LETMD1: variants seen among roughly 807,000 people sequenced by gnomAD.
The protein encoded by LETMD1 is LETM1 domain-containing protein 1.
Under a neutral mutation model 43.9 loss-of-function variants are expected in LETMD1, and 30 were observed. The observed-to-expected ratio is 0.68, with a 90% CI of 0.51 to 0.93. The LOEUF is 0.93. Ranked by LOEUF, LETMD1 falls within the 40% of genes least tolerant of loss-of-function variation. LETMD1 has a pLI of 0.00. For missense variants in LETMD1, 413 were observed against 447.7 expected (o/e 0.92, Z 0.70); for synonymous variants, 176 against 163.1 (o/e 1.08, Z -0.60).
Position 51,049,039 on chromosome 12 carries a change from C to G in LETMD1, c.128C>G (p.Ser43Ter). The change falls in exon 2 of 9, where the codon TCA (serine) becomes TGA (stop). Residue 43 changes from serine (S) to a stop codon, truncating the protein, a stop_gained. Transcript: ENST00000262055. LOFTEE classifies it high-confidence loss of function. ...SGLAWGAPRS[S>*]KLHLSPKADV... ...CTCTTTGATCTTCCTTGTAGGTCTT[C>G]AAAGCTTCACCTTTCTCCAAAGGCA... 2 of 1,613,792 alleles carry G rather than the reference C, an allele frequency of 1.2e-6. No homozygotes were observed. The highest frequency in any genetic ancestry group is 1.7e-6 in the Non-Finnish European group (2 of 1,179,882).
intron 3 of LETMD1, 78 bp downstream of exon 3, chr12:51,052,285 C>A: frequency 6.5e-7 from 1 of 1,544,790 alleles, no homozygotes; most frequent in Non-Finnish European, 8.8e-7. Flanking sequence ...TTTTTTCTTT[C>A]ATTTGTTGTT....
At chr12:51,050,277 C>T (rs942837280) in intron 2 of LETMD1, among the ~76,000 whole-genome samples, 3 of 149,520 alleles carry the variant, frequency 2.0e-5, no homozygotes, top group African/African-American at 7.4e-5. Context: ...GGCTGGAGTG[C>T]AATGGCATGA....
downstream of LETMD1, chr12:51,064,256 G>T: frequency 6.2e-7 from 1 of 1,613,218 alleles, no homozygotes; most frequent in East Asian, 2.2e-5. Flanking sequence ...GGGCTGTAAG[G>T]CCTGGGCACA....
intron 1 of LETMD1, 30 bp from the exon 2 acceptor site, chr12:51,049,004 C>T (rs1335612655): frequency 4.4e-6 from 7 of 1,603,986 alleles, no homozygotes; most frequent in Non-Finnish European, 6.0e-6. Flanking sequence ...AGGACTGATT[C>T]CCAGATAGTC....
intron 2 of LETMD1, among the ~76,000 whole-genome samples, chr12:51,050,687 T>A (rs1048666192): frequency 6.6e-6 from 1 of 152,054 alleles, no homozygotes; most frequent in South Asian, 2.1e-4. Flanking sequence ...TAATGACATG[T>A]AAATCATTGA....
In LETMD1 at chr12:51,059,469, A is replaced by T. The variant is rs373649803; in HGVS notation, c.*38A>T. On this transcript the variant is annotated 3_prime_UTR_variant, in exon 9 of 9. Transcript: ENST00000262055. ...GCGGATGGCATTGTCCTGCAGTCGT[A>T]TAGTATAGCAGTGCAGGAACAAACA... is the stretch of plus-strand genomic sequence containing the variant. The T allele has an allele frequency of 7.6e-6, 12 of 1,575,192 alleles. No homozygotes were observed. Among genetic ancestry groups the T allele is most frequent in the Non-Finnish European group, 1.0e-5 (12 of 1,144,592 alleles).
intron 1 of LETMD1, 29 bp downstream of exon 1, chr12:51,048,507 T>G: frequency 1.2e-6 from 2 of 1,609,822 alleles, no homozygotes; most frequent in Non-Finnish European, 1.7e-6. Flanking sequence ...GAAAAGCATT[T>G]TTGACGTCCA....
the LETMD1 span, among the ~76,000 whole-genome samples, chr12:51,066,425 A>G: frequency 6.7e-6 from 1 of 149,178 alleles, no homozygotes; most frequent in Non-Finnish European, 1.5e-5. Flanking sequence ...ACGGCACTCC[A>G]GCCTGGCAAC....
At chr12:51,053,204 A>C (rs1946672617) in intron 3 of LETMD1, among the ~76,000 whole-genome samples, 1 of 152,172 alleles carries the variant, frequency 6.6e-6, no homozygotes, top group Non-Finnish European at 1.5e-5. Context: ...GAGAGTAAGA[A>C]TCTAGGACCC....
In LETMD1 at chr12:51,050,292, G is replaced by A. The variant is rs187156391; in HGVS notation, c.274+1107G>A. ...GGCTGGAGTGCAATGGCATGATCTCGGTTCACTGCAACCTCTGCTTCCCGG... is the reference window on the plus strand; with the variant it reads ...GGCTGGAGTGCAATGGCATGATCTCAGTTCACTGCAACCTCTGCTTCCCGG... On this transcript the variant is annotated intron_variant, in intron 2 of 8. Coordinates refer to ENST00000262055, the MANE Select transcript of LETMD1 (RefSeq NM_015416.5). Among the ~76,000 whole-genome samples the A allele has an allele frequency of 8.7e-5, 13 of 150,148 alleles. No homozygotes were observed. In the East Asian group the frequency reaches 9.8e-4, roughly 11 times the overall value.
the LETMD1 span, among the ~76,000 whole-genome samples, chr12:51,065,977 G>A: frequency 2.0e-4 from 31 of 152,304 alleles, no homozygotes; most frequent in South Asian, 1.2e-3. Context: ...TCTTAGGGAT[G>A]GTATTGCTGT....
downstream of LETMD1, chr12:51,063,573 T>A: frequency 1.8e-6 from 1 of 550,894 alleles, no homozygotes; most frequent in South Asian, 3.3e-5. Flanking sequence ...GTCTCCTTGG[T>A]ACTGTTTCCC....
chr12:51,067,928 G>A, the LETMD1 span: 5 of 1,614,022 alleles, frequency 3.1e-6, no homozygotes, highest in Non-Finnish European at 4.2e-6. The surrounding 1 kb of genome is among the most constrained non-coding windows in gnomAD (Gnocchi z 4.1). Flanking sequence ...CCAGCGTCAG[G>A]CCATCAGCCT....
rs1032184951 is a variant in LETMD1, at chr12:51,055,912, A to T, written c.551A>T (p.His184Leu). ...CAAACTGATTTCTTAGATATCTATC[A>T]TGCTTTCCGGAAGCAGTCCCACCCA... ...KQQTDFLDIY[H>L]AFRKQSHPEI... Residue 184 changes from histidine to leucine, a missense_variant, in exon 5 of 9, where the codon CAT becomes CTT. Physicochemically the swap from His to Leu is moderately conservative, Grantham distance 99 (BLOSUM62 -3). Coordinates refer to ENST00000262055, the MANE Select transcript of LETMD1 (RefSeq NM_015416.5). The T allele has an allele frequency of 6.2e-7, 1 of 1,613,862 alleles. No homozygotes were observed. The highest frequency in any genetic ancestry group is 2.2e-5 in the East Asian group (1 of 44,894).
chr12:51,064,285 G>C (rs2136831484), downstream of LETMD1: 16 of 1,613,130 alleles, frequency 9.9e-6, no homozygotes, highest in Non-Finnish European at 1.4e-5. Context: ...GGGACAGCCA[G>C]AGGCTCCTCT....
chr12:51,054,968 C>T (rs555289684), intron 4 of LETMD1, among the ~76,000 whole-genome samples: 113 of 152,092 alleles, frequency 7.4e-4, no homozygotes, highest in African/African-American at 2.4e-3. Context: ...GGCGTGGTGG[C>T]GGGTGCCTGT....
In LETMD1 at chr12:51,048,462, G is replaced by T. The variant is rs1176158915; in HGVS notation, c.106G>T (p.Ala36Ser). 6.2e-7 allele frequency: 1 copy of T among 1,613,648 alleles called. No individual in the cohort carries two copies. Among genetic ancestry groups the T allele is most frequent in the Non-Finnish European group, 8.5e-7 (1 of 1,180,040 alleles). Residue 36 changes from alanine (A) to serine (S), a missense_variant, in exon 1 of 9, where the codon GCT (alanine) becomes TCT (serine). Transcript: ENST00000262055. ...GCTGCAACTTGGTCGCTCTGGCCTG[G>T]CTTGGGGGGCCCCTCGGTGAGGGAC... ...RRLQLGRSGLAWGAPRSSKLH... is the reference protein window; with the variant it reads ...RRLQLGRSGLSWGAPRSSKLH...
chr12:51,056,676 A>G, intron 7 of LETMD1, 174 bp downstream of exon 7: 3 of 543,678 alleles, frequency 5.5e-6, no homozygotes, highest in Non-Finnish European at 9.2e-6. Flanking sequence ...TTATTTTGAG[A>G]CAGAGTCTCA....
chr12:51,066,649 A>AG, the LETMD1 span, among the ~76,000 whole-genome samples: 2 of 151,622 alleles, frequency 1.3e-5, no homozygotes, highest in East Asian at 3.9e-4. Flanking sequence ...TCAAAAAAAA[A>AG]AAAGGGCAGC....
Sources: allele counts gnomAD v4.1 joint callset (sites outside exome capture counted in the v4.1 genomes callset), GRCh38; gene constraint gnomAD v4.1.1; non-coding constraint Gnocchi (gnomAD v3.1); transcripts MANE v1.5; gene names NCBI Gene and HGNC (gene_info 2026-07-23, HGNC 2026-07-21).